OSBPL6: variants seen among roughly 807,000 people sequenced by gnomAD.
The protein encoded by OSBPL6 is oxysterol binding protein like 6, also known as oxysterol-binding protein-related protein 6.
A neutral mutation model predicts 125.8 loss-of-function variants in OSBPL6; 49 were observed. The observed-to-expected ratio is 0.39, with a 90% confidence interval of 0.31 to 0.49. OSBPL6 has a LOEUF of 0.49. Ranked by LOEUF, OSBPL6 falls within the 20% of genes least tolerant of loss-of-function variation. OSBPL6 has a pLI of 0.88. For synonymous variants in OSBPL6, 394 were observed against 391.8 expected (o/e 1.01, Z -0.07); for missense variants, 986 against 1,135.4 (o/e 0.87, Z 1.89).
At chr2:178,261,401 A>G (rs6733970) in intron 1 of OSBPL6, among the ~76,000 whole-genome samples, 37,499 of 151,470 alleles carry the variant, frequency 0.25, 5,252 homozygotes, top group African/African-American at 0.38. Context: ...TTGAAAAAAA[A>G]AAAAAAACAA....
At chr2:178,200,382 G>A (rs1220680336) in intron 1 of OSBPL6, among the ~76,000 whole-genome samples, 1 of 150,808 alleles carries the variant, frequency 6.6e-6, no homozygotes, top group South Asian at 2.1e-4. Context: ...CTCTCCAGTA[G>A]CTGGGACTAC....
chr2:178,222,143 G>T (rs1034821362), intron 1 of OSBPL6, among the ~76,000 whole-genome samples: 4 of 152,138 alleles, frequency 2.6e-5, no homozygotes, highest in African/African-American at 9.7e-5. Context: ...TTCTGTAGTT[G>T]TCACGGAGCA....
intron 13 of OSBPL6, among the ~76,000 whole-genome samples, chr2:178,365,117 A>G (rs899080216): frequency 3.3e-5 from 5 of 152,290 alleles, no homozygotes; most frequent in South Asian, 2.1e-4. Context: ...TGGAGGTTGC[A>G]ATGAGCTGAG....
At chr2:178,197,098 G>A (rs548557322) in intron 1 of OSBPL6, among the ~76,000 whole-genome samples, 5 of 151,300 alleles carry the variant, frequency 3.3e-5, no homozygotes, top group Admixed American at 1.3e-4. Context: ...ACACGTGCCA[G>A]TGTTTCTCTT....
intron 6 of OSBPL6, among the ~76,000 whole-genome samples, 158 bp downstream of exon 6, chr2:178,331,763 T>C (rs1038655370): frequency 3.3e-5 from 5 of 152,274 alleles, no homozygotes; most frequent in Non-Finnish European, 7.4e-5. Context: ...TGTTCTAAAG[T>C]GTGTCAACCT....
intron 12 of OSBPL6, among the ~76,000 whole-genome samples, chr2:178,361,470 A>G (rs1261951015): frequency 6.6e-6 from 1 of 152,178 alleles, no homozygotes; most frequent in Admixed American, 6.5e-5. Context: ...TAAAAAACAA[A>G]TTTTTCACTC....
At chr2:178,391,318 T>C (rs1428287712) in intron 22 of OSBPL6, 101 bp downstream of exon 22, 25 of 1,288,386 alleles carry the variant, frequency 1.9e-5, no homozygotes, top group Middle Eastern at 2.7e-4. Context: ...ATGTTTCCTT[T>C]AAGAGTGAGA....
intron 1 of OSBPL6, among the ~76,000 whole-genome samples, chr2:178,236,560 A>G (rs2091059919): frequency 6.6e-6 from 1 of 152,196 alleles, no homozygotes; most frequent in South Asian, 2.1e-4. Context: ...TGGCCATACC[A>G]CCAGCATGTG....
chr2:178,258,693 C>CA (rs1307103667), intron 1 of OSBPL6, among the ~76,000 whole-genome samples: 2 of 151,500 alleles, frequency 1.3e-5, no homozygotes, highest in Non-Finnish European at 2.9e-5. Context: ...TCTGTCTCTC[C>CA]AAAAAAAATT....
intron 1 of OSBPL6, among the ~76,000 whole-genome samples, chr2:178,267,842 G>T (rs1189542238): frequency 6.6e-6 from 1 of 150,768 alleles, no homozygotes; most frequent in Non-Finnish European, 1.5e-5. Context: ...AAGATGAGGT[G>T]TCAGAAAGTA....
intron 1 of OSBPL6, among the ~76,000 whole-genome samples, chr2:178,257,759 G>A (rs2091930897): frequency 6.6e-6 from 1 of 151,956 alleles, no homozygotes. Flanking sequence ...AAATGGTGGA[G>A]AGGGAACTAA....
intron 15 of OSBPL6, among the ~76,000 whole-genome samples, chr2:178,376,716 A>G (rs1693906577): frequency 6.6e-6 from 1 of 152,184 alleles, no homozygotes; most frequent in African/African-American, 2.4e-5. Context: ...CTCCAGCCTC[A>G]TGCCACCTGT....
intron 1 of OSBPL6, among the ~76,000 whole-genome samples, chr2:178,197,388 CAT>C (rs1202540594): frequency 1.3e-5 from 2 of 152,118 alleles, no homozygotes; most frequent in Non-Finnish European, 2.9e-5. Context: ...GGAACACACA[CAT>C]GGATGTTTGT....
chr2:178,260,914 G>A (rs894244830), intron 1 of OSBPL6, among the ~76,000 whole-genome samples: 2 of 152,066 alleles, frequency 1.3e-5, no homozygotes, highest in Non-Finnish European at 2.9e-5. Context: ...GGGAGGTTGA[G>A]GCAGGCAGAT....
chr2:178,245,325 T>C (rs929205445), intron 1 of OSBPL6, among the ~76,000 whole-genome samples: 5 of 152,250 alleles, frequency 3.3e-5, no homozygotes, highest in African/African-American at 1.2e-4. Flanking sequence ...GCACTTCTGC[T>C]CATTTGAAAA....
intron 15 of OSBPL6, among the ~76,000 whole-genome samples, chr2:178,380,626 C>T (rs1462277623): frequency 6.6e-6 from 1 of 151,964 alleles, no homozygotes; most frequent in African/African-American, 2.4e-5. Context: ...AGCAATTTGG[C>T]AACATGGAAC....
chr2:178,389,963 C>A (rs1201744301), intron 21 of OSBPL6, among the ~76,000 whole-genome samples: 1 of 151,994 alleles, frequency 6.6e-6, no homozygotes, highest in Non-Finnish European at 1.5e-5. Flanking sequence ...TTTATTTTAG[C>A]CCAAAATGTT....
intron 15 of OSBPL6, among the ~76,000 whole-genome samples, chr2:178,380,931 T>G (rs1176601915): frequency 6.6e-6 from 1 of 152,232 alleles, no homozygotes; most frequent in Non-Finnish European, 1.5e-5. Flanking sequence ...TCAATATGTT[T>G]GTACAGTCAT....
At chr2:178,345,124 A>G (rs188012329) in intron 11 of OSBPL6, among the ~76,000 whole-genome samples, 1 of 152,350 alleles carries the variant, frequency 6.6e-6, no homozygotes, top group Admixed American at 6.5e-5. Context: ...CTTGCTGGAT[A>G]AAAGCCAATT....
Sources: allele counts gnomAD v4.1 joint callset (sites outside exome capture counted in the v4.1 genomes callset), GRCh38; gene constraint gnomAD v4.1.1; transcripts MANE v1.5; gene names NCBI Gene and HGNC (gene_info 2026-07-23, HGNC 2026-07-21).